USP9X: variants seen among roughly 807,000 people sequenced by gnomAD.
USP9X encodes ubiquitin carboxyl-terminal hydrolase 9X.
In USP9X, 7 loss-of-function variants were observed where a neutral mutation model predicts 190.3. That is an observed-to-expected ratio of 0.04 (90% confidence interval 0.02 to 0.07). The LOEUF (loss-of-function observed/expected upper bound fraction) is 0.07. Ranked by LOEUF, USP9X falls within the 10% of genes least tolerant of loss-of-function variation. USP9X has a pLI of 1.00. For synonymous variants in USP9X, 645 were observed against 659.5 expected (o/e 0.98, Z 0.34); for missense variants, 1,010 against 1,916.9 (o/e 0.53, Z 8.83).
rs772646480 is a variant in USP9X, at chrX:41,223,079, AT to A, written c.6566-133del. The A allele has an allele frequency of 7.9e-5, 49 of 618,435 alleles. No individual in the cohort carries two copies. In the African/African-American group the frequency reaches 9.6e-4, roughly 12 times the overall value. 51.0% of individuals were successfully genotyped at this position (618,435 alleles called of 1,213,427 possible). On this transcript the variant is annotated intron_variant, in intron 38 of 44. Coordinates refer to ENST00000378308, the MANE Select transcript of USP9X (RefSeq NM_001039591.3). ...AAAAGTGATAAAATTACAAATCAAA[AT>A]TTTTCTGATCATAAAAATTATAGAC...
intron 35 of USP9X, among the ~76,000 whole-genome samples, 156 bp downstream of exon 35, chrX:41,216,808 C>T (rs1216540762): frequency 3.6e-5 from 4 of 110,990 alleles, no homozygotes; most frequent in Admixed American, 9.6e-5. Context: ...TTTGGGAGGC[C>T]GAGGTAGGTG....
chrX:41,094,622 A>G (rs1017855934), intron 1 of USP9X, among the ~76,000 whole-genome samples: 1 of 111,552 alleles, frequency 9.0e-6, no homozygotes, highest in African/African-American at 3.3e-5. Context: ...TTGATTTAAT[A>G]TAGATTCAGT....
intron 24 of USP9X, 120 bp downstream of exon 24, chrX:41,186,762 G>C: frequency 1.3e-6 from 1 of 793,533 alleles, no homozygotes; most frequent in Non-Finnish European, 1.8e-6. Flanking sequence ...ATTAATATTA[G>C]TACTTTCTGT....
intron 3 of USP9X, among the ~76,000 whole-genome samples, chrX:41,131,061 G>A (rs1265660306): frequency 9.1e-6 from 1 of 110,323 alleles, no homozygotes; most frequent in Non-Finnish European, 1.9e-5. Flanking sequence ...AAGGGGGGTG[G>A]CGGGGCAATG....
intron 1 of USP9X, among the ~76,000 whole-genome samples, chrX:41,118,641 C>G (rs184915125): frequency 5.4e-5 from 6 of 111,514 alleles, no homozygotes; most frequent in Non-Finnish European, 1.1e-4. Flanking sequence ...AACCTCATCA[C>G]TCTCAGGAGG....
At chrX:41,209,405 G>C (rs977280133) in intron 32 of USP9X, among the ~76,000 whole-genome samples, 1 of 111,040 alleles carries the variant, frequency 9.0e-6, no homozygotes, top group African/African-American at 3.3e-5. Flanking sequence ...CTGATGATTA[G>C]CTTTATGTTA....
At chrX:41,210,235 C>T (rs766343197) in intron 32 of USP9X, among the ~76,000 whole-genome samples, 68 of 111,911 alleles carry the variant, frequency 6.1e-4, no homozygotes, top group African/African-American at 2.0e-3. Context: ...TTCCTGGAGC[C>T]GTACTATCCA....
chrX:41,118,213 G>T (rs2062164737), intron 1 of USP9X, among the ~76,000 whole-genome samples: 1 of 110,982 alleles, frequency 9.0e-6, no homozygotes, highest in Non-Finnish European at 1.9e-5. Flanking sequence ...TCACATTGTG[G>T]GATGCTTACC....
At chrX:41,096,569 A>G (rs758734002) in intron 1 of USP9X, among the ~76,000 whole-genome samples, 1 of 111,389 alleles carries the variant, frequency 9.0e-6, no homozygotes, top group East Asian at 2.8e-4. Context: ...CTGCCTCTCA[A>G]GTAGCTTAGG....
At position 41,161,404 on chromosome X, in the gene USP9X, A is replaced by G. The variant is rs1425221663; in HGVS notation, c.1898-1386A>G. ...ACCCAGGCTGGAGTGTAGTGGCACA[A>G]TCTTGGCTCACTGCAACGTCCACCT... On this transcript the variant is annotated intron_variant, in intron 14 of 44. Coordinates refer to ENST00000378308, the MANE Select transcript of USP9X (RefSeq NM_001039591.3). Among the ~76,000 whole-genome samples the G allele has an allele frequency of 3.4e-5, 3 of 89,346 alleles. No individual in the cohort carries two copies. The Admixed American group carries it at 4.3e-4, about 13-fold the overall frequency. 77.6% of individuals were successfully genotyped at this position (89,346 alleles called of 115,157 possible).
intron 2 of USP9X, among the ~76,000 whole-genome samples, chrX:41,127,340 A>C (rs1453734715): frequency 8.9e-6 from 1 of 112,079 alleles, no homozygotes; most frequent in Non-Finnish European, 1.9e-5. Context: ...ACAGAGACTT[A>C]TGTATAATTC....
intron 9 of USP9X, among the ~76,000 whole-genome samples, chrX:41,142,186 T>C (rs765909196): frequency 9.0e-6 from 1 of 111,523 alleles, no homozygotes; most frequent in African/African-American, 3.3e-5. Flanking sequence ...ATACATATGA[T>C]GTACGTATCT....
chrX:41,146,632 G>A (rs1473572424), intron 11 of USP9X, among the ~76,000 whole-genome samples: 1 of 85,167 alleles, frequency 1.2e-5, no homozygotes, highest in African/African-American at 4.4e-5. Context: ...ATGAGATTGA[G>A]TATCTTTCTG....
chrX:41,127,254 T>C (rs745743647), intron 2 of USP9X, among the ~76,000 whole-genome samples: 49 of 111,981 alleles, frequency 4.4e-4, no homozygotes, highest in Non-Finnish European at 8.5e-4. Flanking sequence ...ATTCATGCAA[T>C]ATTATCTGGC....
At chrX:41,153,119 C>T (rs2062544630) in intron 14 of USP9X, 38 bp downstream of exon 14, 2 of 1,147,698 alleles carry the variant, frequency 1.7e-6, no homozygotes, top group Middle Eastern at 2.4e-4. Context: ...TGGGAAATAG[C>T]AGGGACCTTT....
chrX:41,145,988 C>A (rs1223337777), intron 11 of USP9X, among the ~76,000 whole-genome samples: 1 of 111,686 alleles, frequency 9.0e-6, no homozygotes, highest in African/African-American at 3.3e-5. Flanking sequence ...TGTTTCTATA[C>A]ATGTAAAAGC....
At chrX:41,224,550 C>G (rs1164458194) in intron 39 of USP9X, among the ~76,000 whole-genome samples, 192 bp from the exon 40 acceptor site, 2 of 111,090 alleles carry the variant, frequency 1.8e-5, no homozygotes, top group African/African-American at 6.6e-5. Flanking sequence ...GCAGGAGAAT[C>G]ACTTGAACCT....
At chrX:41,110,464 A>T (rs1358668512) in intron 1 of USP9X, among the ~76,000 whole-genome samples, 2 of 111,626 alleles carry the variant, frequency 1.8e-5, no homozygotes, top group Non-Finnish European at 3.8e-5. Flanking sequence ...CTTTTCTGAC[A>T]TTATTGATGT....
intron 15 of USP9X, among the ~76,000 whole-genome samples, chrX:41,163,401 T>C (rs1169302676): frequency 9.1e-6 from 1 of 109,406 alleles, no homozygotes. Context: ...GGATTTTCTC[T>C]GCAATATTTA....
Sources: gnomAD v4.1 joint callset for allele counts (sites outside exome capture counted in the v4.1 genomes callset) on GRCh38, gnomAD v4.1.1 for gene constraint, MANE v1.5 for transcripts, NCBI Gene and HGNC (gene_info 2026-07-23, HGNC 2026-07-21) for gene names.